Variants in RPSA2 observed in about 807,000 individuals in gnomAD.
RPSA2 encodes small ribosomal subunit protein uS2B.
At chr19:23,780,869 A>AT in the RPSA2 span, among the ~76,000 whole-genome samples, 1 of 152,174 alleles carries the variant, frequency 6.6e-6, no homozygotes, top group East Asian at 1.9e-4. Context: ...AATAGCAAAG[A>AT]TTGTCATCCA....
At chr19:23,761,088 A>ATGTGTG in the RPSA2 span, among the ~76,000 whole-genome samples, 1 of 146,440 alleles carries the variant, frequency 6.8e-6, no homozygotes, top group Non-Finnish European at 1.5e-5. Context: ...GTATATATAT[A>ATGTGTG]TGTGTGTGTG....
the RPSA2 span, chr19:23,782,209 G>A: frequency 6.6e-6 from 1 of 152,226 alleles, no homozygotes; most frequent in Non-Finnish European, 1.5e-5. Context: ...TTTCCTGCCT[G>A]TTCCCTAATC....
chr19:23,767,298 C>CT, the RPSA2 span, among the ~76,000 whole-genome samples: 1 of 152,014 alleles, frequency 6.6e-6, no homozygotes, highest in African/African-American at 2.4e-5. Flanking sequence ...AGGCTGGTCT[C>CT]TAACTCATGA....
chr19:23,771,093 G>A, the RPSA2 span, among the ~76,000 whole-genome samples: 1 of 152,182 alleles, frequency 6.6e-6, no homozygotes, highest in Admixed American at 6.5e-5. Flanking sequence ...ACTGTGTAAA[G>A]TTGTCAAGAG....
At chr19:23,773,656 T>C in the RPSA2 span, among the ~76,000 whole-genome samples, 1 of 152,070 alleles carries the variant, frequency 6.6e-6, no homozygotes, top group Non-Finnish European at 1.5e-5. Context: ...CATAGCCTAC[T>C]CTTGAAGTTC....
At chr19:23,832,965 AC>A in the RPSA2 span, 1 of 1,481,642 alleles carries the variant, frequency 6.7e-7, no homozygotes, top group Non-Finnish European at 9.1e-7. Flanking sequence ...GTGGAGTAAA[AC>A]CCTACAAGTG....
chr19:23,869,586 A>G, the RPSA2 span, among the ~76,000 whole-genome samples: 3 of 152,190 alleles, frequency 2.0e-5, no homozygotes, highest in African/African-American at 4.8e-5. Flanking sequence ...ATCAGAAATC[A>G]TGACACAAAC....
the RPSA2 span, among the ~76,000 whole-genome samples, chr19:23,770,474 G>T: frequency 6.6e-6 from 1 of 152,102 alleles, no homozygotes. Context: ...CTTGTTTCTG[G>T]CATATTTTGG....
the RPSA2 span, among the ~76,000 whole-genome samples, chr19:23,767,750 T>C: frequency 4.0e-5 from 6 of 149,378 alleles, no homozygotes; most frequent in Admixed American, 4.2e-4. Context: ...TTTTCACTTA[T>C]TTCAATTTCA....
At chr19:23,868,625 C>T in the RPSA2 span, among the ~76,000 whole-genome samples, 1 of 152,194 alleles carries the variant, frequency 6.6e-6, no homozygotes, top group Non-Finnish European at 1.5e-5. Context: ...AGCAGAAAGA[C>T]ATTGGCAAGT....
At chr19:23,862,761 T>TA in the RPSA2 span, among the ~76,000 whole-genome samples, 111 of 148,476 alleles carry the variant, frequency 7.5e-4, no homozygotes, top group East Asian at 1.4e-3. Flanking sequence ...AGTATAAGAA[T>TA]AAAAAAAAAA....
At chr19:23,848,939 C>A in the RPSA2 span, among the ~76,000 whole-genome samples, 1 of 152,210 alleles carries the variant, frequency 6.6e-6, no homozygotes, top group African/African-American at 2.4e-5. Context: ...AAAGTGAAAA[C>A]AAATCTCTTA....
At chr19:23,812,127 TGTA>T in the RPSA2 span, among the ~76,000 whole-genome samples, 1 of 152,164 alleles carries the variant, frequency 6.6e-6, no homozygotes, top group African/African-American at 2.4e-5. Flanking sequence ...ATTATTGTCT[TGTA>T]GTTCTATATT....
At chr19:23,758,843 A>T in the RPSA2 span, 1 of 1,572,738 alleles carries the variant, frequency 6.4e-7, no homozygotes, top group Non-Finnish European at 8.7e-7. Context: ...GAAGAAGAGG[A>T]CACAGAGCAG....
chr19:23,844,382 T>A, the RPSA2 span, among the ~76,000 whole-genome samples: 1 of 152,310 alleles, frequency 6.6e-6, no homozygotes, highest in Non-Finnish European at 1.5e-5. Context: ...CATAATAAAC[T>A]ATTTTTTTGG....
the RPSA2 span, among the ~76,000 whole-genome samples, chr19:23,868,865 G>A: frequency 6.6e-6 from 1 of 152,282 alleles, no homozygotes; most frequent in African/African-American, 2.4e-5. Context: ...TATGGGCCAT[G>A]AGCCAGCTGA....
the RPSA2 span, among the ~76,000 whole-genome samples, chr19:23,855,981 T>A: frequency 6.6e-6 from 1 of 152,116 alleles, no homozygotes; most frequent in African/African-American, 2.4e-5. Context: ...GTATTGGTTC[T>A]TCATGAAAAG....
At chr19:23,833,354 C>A in the RPSA2 span, 1 of 290,260 alleles carries the variant, frequency 3.4e-6, no homozygotes, top group Non-Finnish European at 5.4e-6. Context: ...TCTTTACAGA[C>A]ATAAGGTTAT....
At chr19:23,839,867 A>G in the RPSA2 span, among the ~76,000 whole-genome samples, 1 of 152,200 alleles carries the variant, frequency 6.6e-6, no homozygotes, top group African/African-American at 2.4e-5. Flanking sequence ...AGCTTCTCCC[A>G]CAAACAGACT....
Sources: gnomAD v4.1 joint callset for allele counts (sites outside exome capture counted in the v4.1 genomes callset) on GRCh38, gnomAD v4.1.1 for gene constraint, MANE v1.5 for transcripts, NCBI Gene and HGNC (gene_info 2026-07-23, HGNC 2026-07-21) for gene names.